ALAS2: variants seen among roughly 807,000 people sequenced by gnomAD.
ALAS2 encodes 5'-aminolevulinate synthase 2.
Under a neutral mutation model 33.7 loss-of-function variants are expected in ALAS2, and 3 were observed. The observed-to-expected ratio is 0.09, with a 90% CI of 0.04 to 0.23. The LOEUF is 0.23. Among genes scored for constraint, ALAS2 ranks in the 10% least tolerant of loss-of-function variants. The pLI, the probability that ALAS2 is intolerant of heterozygous loss-of-function variation, is 1.00. For missense variants in ALAS2, 304 were observed against 475.1 expected, an observed-to-expected ratio of 0.64 and a Z score of 3.35; for synonymous variants, 191 against 177.3, an observed-to-expected ratio of 1.08 and a Z score of -0.61.
In ALAS2 at chrX:55,015,696, A is replaced by G. The variant is rs775239781; in HGVS notation, c.1050T>C (p.Tyr350=). Residue 350 remains tyrosine (Y), a synonymous_variant, in exon 8 of 11, where the codon TAT becomes TAC. Transcript: ENST00000650242. Reference sequence around the variant, plus strand: ...CCTCATCCACGAAGGTCAGGGCCCCATACTGGTGGGACACATCACACAACT... The same window carrying G: ...CCTCATCCACGAAGGTCAGGGCCCCGTACTGGTGGGACACATCACACAACT... ...LEELCDVSHQ[Y]GALTFVDEVH... is the part of the protein sequence containing the mutation. The G allele has an allele frequency of 8.3e-7, 1 of 1,211,238 alleles. No homozygotes were observed. Among genetic ancestry groups the G allele is most frequent in the East Asian group, 3.0e-5 (1 of 33,827 alleles).
At chrX:55,025,722 G>A (rs1209318052) in intron 2 of ALAS2, 98 bp downstream of exon 2, 3 of 903,797 alleles carry the variant, frequency 3.3e-6, no homozygotes, top group African/African-American at 3.9e-5. Context: ...CTTTTCACAT[G>A]AACCGTCCTA....
At position 55,013,645 on chromosome X, in the gene ALAS2, C is replaced by A; in HGVS notation, c.1441G>T (p.Gly481Cys). The A allele has an allele frequency of 8.3e-7, 1 of 1,211,504 alleles. No individual in the cohort carries two copies. Among genetic ancestry groups the A allele is most frequent in the Non-Finnish European group, 1.1e-6 (1 of 895,400 alleles). ...AGCTTGCTGTTGAGTGCTGCATTGC[C>A]CACCTGGACTCAGGAGAAAGGCTAA... ...CPSHIIPIRV[G>C]NAALNSKLCD... The change falls in exon 10 of 11, where the codon GGC becomes TGC. Residue 481 changes from glycine to cysteine, a missense_variant. Coordinates refer to ENST00000650242, the MANE Select transcript of ALAS2 (RefSeq NM_000032.5).
intron 1 of ALAS2, among the ~76,000 whole-genome samples, chrX:55,029,465 A>G (rs1935952132): frequency 8.9e-6 from 1 of 112,149 alleles, no homozygotes; most frequent in Non-Finnish European, 1.9e-5. Context: ...GCAGGATTTG[A>G]ACCTAGGCAA....
intron 8 of ALAS2, 113 bp downstream of exon 8, chrX:55,015,465 G>C: frequency 1.1e-6 from 1 of 885,732 alleles, no homozygotes; most frequent in Non-Finnish European, 1.6e-6. Context: ...AGCAGCCTGG[G>C]GCTGTGAATT....
At chrX:55,017,422 A>C (rs1366455012) in intron 7 of ALAS2, 64 bp downstream of exon 7, 12 of 993,463 alleles carry the variant, frequency 1.2e-5, no homozygotes, top group Admixed American at 8.8e-5. Context: ...CATCATCATC[A>C]TCATGATCAT....
intron 10 of ALAS2, among the ~76,000 whole-genome samples, chrX:55,011,337 C>A (rs780287545): frequency 6.2e-4 from 69 of 111,875 alleles, no homozygotes; most frequent in African/African-American, 2.0e-3. Context: ...TGCTTGATTT[C>A]CTATTTTTAA....
At chrX:55,021,325 G>T in intron 4 of ALAS2, 51 bp from the exon 5 acceptor site, 1 of 1,020,782 alleles carries the variant, frequency 9.8e-7, no homozygotes, top group Non-Finnish European at 1.4e-6. Flanking sequence ...GTCTCTCCCT[G>T]GCTAGTCTGT....
Position 55,015,494 on chromosome X carries a change from T to C in ALAS2, c.1168+84A>G, listed in dbSNP as rs777425234. On this transcript the variant is annotated intron_variant, in intron 8 of 10. Coordinates refer to ENST00000650242, the MANE Select transcript of ALAS2 (RefSeq NM_000032.5). ...GTGAATTCTGTCCAAACAACCCCTATAGCTTTGGGGAGGAGGCAGAAAAGA... is the reference window on the plus strand; with the variant it reads ...GTGAATTCTGTCCAAACAACCCCTACAGCTTTGGGGAGGAGGCAGAAAAGA... 9 of 1,103,825 alleles carry C rather than the reference T, an allele frequency of 8.2e-6. No homozygotes were observed. The East Asian group carries it at 2.7e-4, about 33-fold the overall frequency. 91.0% of individuals were successfully genotyped at this position (1,103,825 alleles called of 1,213,427 possible).
intron 3 of ALAS2, among the ~76,000 whole-genome samples, chrX:55,024,272 G>A (rs1287241813): frequency 8.9e-6 from 1 of 111,939 alleles, no homozygotes; most frequent in Non-Finnish European, 1.9e-5. Context: ...TCAACAGTGT[G>A]GCCATATCTC....
chrX:55,020,200 G>T, intron 6 of ALAS2, 120 bp downstream of exon 6: 1 of 716,657 alleles, frequency 1.4e-6, no homozygotes, highest in East Asian at 3.5e-5. Flanking sequence ...AGGTGGATAA[G>T]AAGGAAGAAC....
In ALAS2 at chrX:55,009,251, CAA is replaced by C; in HGVS notation, c.1691_1692del (p.Phe564Ter). 1.7e-6 allele frequency: 2 copies of C among 1,207,071 alleles called. No individual in the cohort carries two copies. On this transcript the variant is annotated frameshift_variant, in exon 11 of 11. Transcript: ENST00000650242. LOFTEE classifies it high-confidence loss of function. ...ACNFCRRPVHFELMSEWERSY... is the reference protein window; with the variant it reads ...ACNFCRRPVHXELMSEWERSY... ...GAACGTTCCCACTCACTCATGAGCT[CAA>C]AGTGTACAGGACGGCGACAGAAATT...
rs1426554909 is a variant in ALAS2 at position 55,014,858 on chromosome X, C to G, written c.1326G>C (p.Glu442Asp). The G allele has an allele frequency of 2.5e-6, 3 of 1,206,768 alleles. No individual in the cohort carries two copies. Among genetic ancestry groups the G allele is most frequent in the Admixed American group, 4.4e-5 (2 of 45,521 alleles). The change falls in exon 9 of 11, where the codon GAG becomes GAC. Residue 442 changes from glutamate to aspartate, a missense_variant. This residue lies in a region of ALAS2 where 95 missense variants were observed against 127.0 expected (regional missense o/e 0.75). Transcript: ENST00000650242. ...GGTGGGCTCGCCTCAGGGCTTGGCCCTCCTCTCCCTTGAGCAGCCGCACAG... is the reference window on the plus strand; with the variant it reads ...GGTGGGCTCGCCTCAGGGCTTGGCCGTCCTCTCCCTTGAGCAGCCGCACAG... ...LESVRLLKGE[E>D]GQALRRAHQR...
chrX:55,030,373 A>C (rs1373266844), intron 1 of ALAS2, among the ~76,000 whole-genome samples: 1 of 111,141 alleles, frequency 9.0e-6, no homozygotes, highest in Non-Finnish European at 1.9e-5. Context: ...CCAATTCATC[A>C]TTCCCATCAC....
rs145961251 is a variant in ALAS2, at chrX:55,012,452, A to C, written c.1600+1034T>G. Reference sequence around the variant, plus strand: ...CAACTGCCTACATGTCTTTCATCCAACAGGCCTGGAATGAGCACCTATTCA... The same window carrying C: ...CAACTGCCTACATGTCTTTCATCCACCAGGCCTGGAATGAGCACCTATTCA... On this transcript the variant is annotated intron_variant, in intron 10 of 10. Coordinates refer to ENST00000650242, the MANE Select transcript of ALAS2 (RefSeq NM_000032.5). Among the ~76,000 whole-genome samples the C allele has an allele frequency of 8.1e-3, 903 of 111,812 alleles. 10 individuals are homozygous for C. The highest frequency in any genetic ancestry group is 0.027 in the African/African-American group (834 of 30,757).
At chrX:55,030,586 A>G (rs1043640469) in intron 1 of ALAS2, among the ~76,000 whole-genome samples, 5 of 111,531 alleles carry the variant, frequency 4.5e-5, no homozygotes, top group African/African-American at 1.6e-4. Flanking sequence ...ACGGAGAGAT[A>G]CAAAGCCGAG....
Position 55,025,834 on chromosome X carries a change from G to T in ALAS2, c.167C>A (p.Thr56Lys), listed in dbSNP as rs777346409. ...CCTCTTCTTACCTCCTCCAGCCTTT[G>T]TTGCCTTAAGGTGGATTTGAGAACA... is the stretch of plus-strand genomic sequence containing the variant. ...PNCSQIHLKATKAGGDSPSWA... is the reference protein window; with the variant it reads ...PNCSQIHLKAKKAGGDSPSWA... The change falls in exon 2 of 11, where the codon ACA becomes AAA. Residue 56 changes from threonine to lysine, a missense_variant. Thr to Lys is a moderately conservative substitution (Grantham distance 78, BLOSUM62 -1). Transcript: ENST00000650242. 2 of 1,209,807 alleles carry T rather than the reference G, an allele frequency of 1.7e-6. No individual in the cohort carries two copies. The highest frequency in any genetic ancestry group is 3.5e-5 in the South Asian group (2 of 56,793).
intron 8 of ALAS2, 81 bp from the exon 9 acceptor site, chrX:55,015,096 G>C (rs1935676724): frequency 4.2e-5 from 45 of 1,077,454 alleles, no homozygotes; most frequent in Non-Finnish European, 5.6e-5. Flanking sequence ...GATAACACAA[G>C]GGGGTGCACC....
chrX:55,018,646 A>T (rs1054691231), intron 6 of ALAS2, among the ~76,000 whole-genome samples: 1 of 111,587 alleles, frequency 9.0e-6, no homozygotes, highest in Non-Finnish European at 1.9e-5. Context: ...TAGTGAGAGG[A>T]GGGATGCAAA....
rs906907574 is a variant in ALAS2, at chrX:55,029,533, C to A, written c.-16+1409G>T. On this transcript the variant is annotated intron_variant, in intron 1 of 10. Coordinates refer to ENST00000650242, the MANE Select transcript of ALAS2 (RefSeq NM_000032.5). ...TGGATCTGTGATTCAAATATTACTA[C>A]CTTTTTTTCTTGACTGAGGGCCTGA... 2.7e-5 allele frequency among the ~76,000 whole-genome samples: 3 copies of A among 111,714 alleles called. No individual in the cohort carries two copies. The East Asian group carries it at 8.4e-4, about 31-fold the overall frequency.
Sources: gnomAD v4.1 joint callset for allele counts (sites outside exome capture counted in the v4.1 genomes callset) on GRCh38, gnomAD v4.1.1 for gene constraint, gnomAD v4.1.1 regional missense constraint, MANE v1.5 for transcripts, NCBI Gene and HGNC (gene_info 2026-07-23, HGNC 2026-07-21) for gene names.